The following RANBP3L variants were observed in gnomAD, a reference collection of about 807,000 sequenced individuals.
RANBP3L encodes RAN binding protein 3 like, also known as ran-binding protein 3-like.
RANBP3L carries 56 observed loss-of-function variants against 67.2 expected under a neutral mutation model. That is an observed-to-expected ratio of 0.83 (90% CI 0.67 to 1.04). RANBP3L has a LOEUF of 1.04. RANBP3L is among the 50% of genes least tolerant of loss of function. The pLI is 0.00. For missense variants in RANBP3L, 496 were observed against 535.5 expected, an observed-to-expected ratio of 0.93 and a Z score of 0.73; for synonymous variants, 164 against 181.4, an observed-to-expected ratio of 0.90 and a Z score of 0.77.
At chr5:36,298,111 C>T (rs773875481) in intron 1 of RANBP3L, among the ~76,000 whole-genome samples, 6 of 151,682 alleles carry the variant, frequency 4.0e-5, no homozygotes, top group Non-Finnish European at 7.4e-5. Flanking sequence ...CCAGCCTCAC[C>T]AATATGGTGA....
chr5:36,277,187 C>A (rs558534959), intron 1 of RANBP3L, among the ~76,000 whole-genome samples: 8 of 152,262 alleles, frequency 5.3e-5, no homozygotes, highest in African/African-American at 1.9e-4. Context: ...CTGGCCCTTT[C>A]CACATGTCTC....
rs1748573576 is a variant in RANBP3L at position 36,251,304 on chromosome 5, G to A, written c.1354+9C>T. On this transcript the variant is annotated intron_variant, in intron 13 of 13. Coordinates refer to ENST00000296604, the MANE Select transcript of RANBP3L (RefSeq NM_145000.5). ...AAACCTCTGAACTAACAAAACAAAA[G>A]CTATTTACCTGATCCATTTTTAGTG... 1 of 1,603,180 alleles carries A rather than the reference G, an allele frequency of 6.2e-7. No homozygotes were observed. Among genetic ancestry groups the A allele is most frequent in the Non-Finnish European group, 8.5e-7 (1 of 1,173,566 alleles).
At chr5:36,292,051 C>T (rs1388720642) in intron 1 of RANBP3L, among the ~76,000 whole-genome samples, 1 of 143,316 alleles carries the variant, frequency 7.0e-6, no homozygotes, top group Non-Finnish European at 1.5e-5. Context: ...TCCACATCCT[C>T]TCCAGCACCT....
At chr5:36,275,044 A>T (rs1750476711) in intron 1 of RANBP3L, among the ~76,000 whole-genome samples, 1 of 152,208 alleles carries the variant, frequency 6.6e-6, no homozygotes, top group African/African-American at 2.4e-5. Flanking sequence ...CATGAATCTC[A>T]ATATTCAATG....
At chr5:36,255,391 T>G in intron 11 of RANBP3L, 79 bp downstream of exon 11, 1 of 1,347,288 alleles carries the variant, frequency 7.4e-7, no homozygotes, top group East Asian at 2.5e-5. Context: ...CTCCAGAAAA[T>G]GATGTGTACC....
intron 11 of RANBP3L, 46 bp from the exon 12 acceptor site, chr5:36,253,835 G>A (rs4869473): frequency 0.94 from 1,459,785 of 1,554,240 alleles, 691,958 homozygotes; most frequent in Non-Finnish European, 0.97. Flanking sequence ...CAGTTGACAC[G>A]GAGGAATTTA....
Position 36,251,354 on chromosome 5 carries a change from T to C in RANBP3L, c.1313A>G (p.Glu438Gly). The change falls in exon 13 of 14, where the codon GAG (glutamate) becomes GGG (glycine). Residue 438 changes from glutamate (E) to glycine (G), a missense_variant. Coordinates refer to ENST00000296604, the MANE Select transcript of RANBP3L (RefSeq NM_145000.5). ...AQQLNCESCD[E>G]NEDDFIQVTK... ...GACTTGGATGAAATCATCCTCATTC[T>C]CATCACAGCTTTCGCAGTTCAATTG... is the stretch of plus-strand genomic sequence containing the variant. The C allele has an allele frequency of 6.2e-7, 1 of 1,613,322 alleles. No individual in the cohort carries two copies. The highest frequency in any genetic ancestry group is 8.5e-7 in the Non-Finnish European group (1 of 1,179,522).
intron 1 of RANBP3L, among the ~76,000 whole-genome samples, chr5:36,300,646 C>T (rs890503221): frequency 6.6e-6 from 1 of 152,156 alleles, no homozygotes; most frequent in African/African-American, 2.4e-5. Context: ...CCACAAGTGT[C>T]ATTTGCTGTC....
intron 1 of RANBP3L, among the ~76,000 whole-genome samples, chr5:36,277,440 ATGTGTGTG>A (rs149996886): frequency 0.079 from 9,088 of 114,760 alleles, 459 homozygotes; most frequent in African/African-American, 0.14. Flanking sequence ...ATATATATAT[ATGTGTGTG>A]TGTGTGTGTG....
intron 5 of RANBP3L, 140 bp from the exon 6 acceptor site, chr5:36,265,238 C>G (rs537130783): frequency 1.5e-6 from 1 of 688,260 alleles, no homozygotes; most frequent in South Asian, 2.4e-5. Context: ...GTCAAAATAA[C>G]CATTGAGTTC....
intron 1 of RANBP3L, 76 bp from the exon 2 acceptor site, chr5:36,271,387 GA>G: frequency 1.1e-6 from 1 of 941,090 alleles, no homozygotes; most frequent in Non-Finnish European, 1.6e-6. Flanking sequence ...AATATTTGAA[GA>G]CTTTTTTTTT....
At position 36,256,754 on chromosome 5, in the gene RANBP3L, C is replaced by G. The variant is rs940632079; in HGVS notation, c.903+187G>C. 1.4e-5 allele frequency: 8 copies of G among 572,838 alleles called. No individual in the cohort carries two copies. In the African/African-American group the frequency reaches 1.5e-4, roughly 11 times the overall value. The allele number at this position is 572,838 out of a possible 1,614,324, so 35.5% of individuals were successfully genotyped here. A position where few individuals can be genotyped will look rare whatever the true frequency, so the allele number is the denominator to read the frequency against. On this transcript the variant is annotated intron_variant, in intron 10 of 13. Transcript: ENST00000296604. Reference sequence around the variant, plus strand: ...ACAACCCATTTTCCTGCCAGGTACACATACAAACACAAGAAGAAAATAAAT... The same window carrying G: ...ACAACCCATTTTCCTGCCAGGTACAGATACAAACACAAGAAGAAAATAAAT...
Position 36,253,675 on chromosome 5 carries a change from T to G in RANBP3L, c.1139A>C (p.Asp380Ala). 1.9e-6 allele frequency: 3 copies of G among 1,608,630 alleles called. No individual in the cohort carries two copies. The highest frequency in any genetic ancestry group is 2.6e-6 in the Non-Finnish European group (3 of 1,175,248). ...NVRITATDLE[D>A]YSIKIFLIQA... ...AATTAAAAATATTTTGATGCTATAG[T>G]CTTCTAAATCAGTAGCTGTTATTCG... The change falls in exon 12 of 14, where the codon GAC (aspartate) becomes GCC (alanine). Residue 380 changes from aspartate to alanine, a missense_variant. Coordinates refer to ENST00000296604, the MANE Select transcript of RANBP3L (RefSeq NM_145000.5).
rs183075294 is a variant in RANBP3L at position 36,294,273 on chromosome 5, C to T, written c.91+7053G>A. On this transcript the variant is annotated intron_variant, in intron 1 of 13. Transcript: ENST00000296604. Reference sequence around the variant, plus strand: ...TCCCCTTTATCATTTTTTATTGTGTCTATTTGATTCTTCTCTCTTTTTTTC... The same window carrying T: ...TCCCCTTTATCATTTTTTATTGTGTTTATTTGATTCTTCTCTCTTTTTTTC... 4.6e-5 allele frequency among the ~76,000 whole-genome samples: 7 copies of T among 151,918 alleles called. No individual in the cohort carries two copies. In the East Asian group the frequency reaches 1.4e-3, roughly 29 times the overall value.
chr5:36,289,461 C>T (rs1206603944), intron 1 of RANBP3L, among the ~76,000 whole-genome samples: 1 of 152,090 alleles, frequency 6.6e-6, no homozygotes, highest in Non-Finnish European at 1.5e-5. Context: ...ATTGAGATGG[C>T]CTTGACTCTA....
At chr5:36,299,244 G>A (rs1376252354) in intron 1 of RANBP3L, among the ~76,000 whole-genome samples, 4 of 152,032 alleles carry the variant, frequency 2.6e-5, no homozygotes, top group African/African-American at 9.7e-5. Context: ...CCTTGTGACT[G>A]TGTAAGTTAA....
chr5:36,249,845 T>G (rs1395568699), intron 13 of RANBP3L, 148 bp from the exon 14 acceptor site: 2 of 386,742 alleles, frequency 5.2e-6, no homozygotes, highest in Non-Finnish European at 9.0e-6. Flanking sequence ...ACAAGCAACA[T>G]TTAGAGATGT....
chr5:36,263,801 A>G (rs1157417634), intron 6 of RANBP3L, among the ~76,000 whole-genome samples: 1 of 152,258 alleles, frequency 6.6e-6, no homozygotes, highest in African/African-American at 2.4e-5. Context: ...TGCTAGGATT[A>G]AAAGAGTGAG....
At chr5:36,257,201 T>A in intron 9 of RANBP3L, 130 bp from the exon 10 acceptor site, 1 of 772,934 alleles carries the variant, frequency 1.3e-6, no homozygotes. Context: ...AAATTCAGAC[T>A]GCTTGAGTTG....
Sources: gnomAD v4.1 joint callset for allele counts (sites outside exome capture counted in the v4.1 genomes callset) on GRCh38, gnomAD v4.1.1 for gene constraint, MANE v1.5 for transcripts, NCBI Gene and HGNC (gene_info 2026-07-23, HGNC 2026-07-21) for gene names.